The following PCDHA2 variants were observed in gnomAD, a reference collection of about 807,000 sequenced individuals.
The protein encoded by PCDHA2 is protocadherin alpha-2.
In PCDHA2, 58 loss-of-function variants were observed where a neutral mutation model predicts 66.0. That is an observed-to-expected ratio of 0.88 (90% CI 0.71 to 1.09). The LOEUF (loss-of-function observed/expected upper bound fraction) is 1.09, where lower values mean the gene tolerates loss of function less well. Among genes scored for constraint, PCDHA2 ranks in the 50% least tolerant of loss-of-function variants. PCDHA2 has a pLI of 0.00. For missense variants in PCDHA2, 1,267 were observed against 1,242.3 expected, an observed-to-expected ratio of 1.02 and a Z score of -0.30; for synonymous variants, 634 against 554.0, an observed-to-expected ratio of 1.14 and a Z score of -2.03.
Position 140,822,323 on chromosome 5 carries a change from C to T in PCDHA2, c.2388+24971C>T, listed in dbSNP as rs2150115506. On this transcript the variant is annotated intron_variant, in intron 1 of 3. Transcript: ENST00000526136. ...GAATATTTTGACTTAGATGTTAAAACAAATGAAGAAGAAACGAACTTTTTA... is the reference window on the plus strand; with the variant it reads ...GAATATTTTGACTTAGATGTTAAAATAAATGAAGAAGAAACGAACTTTTTA... 2.5e-6 allele frequency: 4 copies of T among 1,613,964 alleles called. No individual in the cohort carries two copies. The African/African-American group carries it at 5.3e-5, about 22-fold the overall frequency.
intron 1 of PCDHA2, chr5:140,841,063 TAAAG>T (rs1776998418): frequency 2.2e-6 from 1 of 461,482 alleles, no homozygotes; most frequent in South Asian, 3.9e-5. Context: ...TAAATTATGA[TAAAG>T]AAATAGAAAG....
At chr5:140,827,951 A>T (rs1222083879) in intron 1 of PCDHA2, 6 of 1,273,218 alleles carry the variant, frequency 4.7e-6, no homozygotes, top group Middle Eastern at 4.5e-4. Flanking sequence ...CAACATTCAA[A>T]TTTCTTCTAT....
At chr5:140,800,264 C>T (rs1385506685) in intron 1 of PCDHA2, among the ~76,000 whole-genome samples, 6 of 151,988 alleles carry the variant, frequency 3.9e-5, no homozygotes, top group Admixed American at 2.0e-4. Flanking sequence ...AAACAAATTT[C>T]CTGTTTGAAT....
intron 1 of PCDHA2, chr5:140,966,674 G>A: frequency 7.7e-7 from 1 of 1,295,168 alleles, no homozygotes; most frequent in Non-Finnish European, 1.0e-6. Flanking sequence ...GGCGCAGGGT[G>A]GCACGAGCGG....
In PCDHA2 at chr5:140,857,169, C is replaced by T. The variant is rs199584063; in HGVS notation, c.2388+59817C>T. On this transcript the variant is annotated intron_variant, in intron 1 of 3. Coordinates refer to ENST00000526136, the MANE Select transcript of PCDHA2 (RefSeq NM_018905.3). ...ACCGTCATTGCCCTAATCAGCGTTTCTGACCATGATTCAGGAGCCAACGGA... is the reference window on the plus strand; with the variant it reads ...ACCGTCATTGCCCTAATCAGCGTTTTTGACCATGATTCAGGAGCCAACGGA... 2.2e-5 allele frequency: 35 copies of T among 1,598,474 alleles called. 1 individual carries two copies. The East Asian group carries it at 7.4e-4, about 34-fold the overall frequency.
chr5:140,901,546 T>C (rs2068734079), intron 1 of PCDHA2, among the ~76,000 whole-genome samples: 1 of 152,212 alleles, frequency 6.6e-6, no homozygotes, highest in Non-Finnish European at 1.5e-5. Flanking sequence ...TCTATTCTGT[T>C]CCATTCATCT....
intron 1 of PCDHA2, chr5:140,969,117 A>C (rs1554231477): frequency 6.2e-7 from 1 of 1,614,178 alleles, no homozygotes; most frequent in Admixed American, 1.7e-5. Flanking sequence ...GTTCGAGGGA[A>C]TGGCTCCCTC....
chr5:140,850,962 G>A lies in PCDHA2; in HGVS notation c.2388+53610G>A, dbSNP rs2150504046. On this transcript the variant is annotated intron_variant, in intron 1 of 3. Coordinates refer to ENST00000526136, the MANE Select transcript of PCDHA2 (RefSeq NM_018905.3). Reference sequence around the variant, plus strand: ...AAGATATTATCGATTACTCCCAGGGGCCGTTCAAATAGTTTTATTCATTTT... The same window carrying A: ...AAGATATTATCGATTACTCCCAGGGACCGTTCAAATAGTTTTATTCATTTT... 3.4e-6 allele frequency: 5 copies of A among 1,475,076 alleles called. No homozygotes were observed. In the African/African-American group the frequency reaches 7.1e-5, roughly 21 times the overall value. The allele number at this position is 1,475,076 out of a possible 1,614,324, so 91.4% of individuals were successfully genotyped here. A position where few individuals can be genotyped will look rare whatever the true frequency, so the allele number is the denominator to read the frequency against.
At chr5:141,000,547 A>T (rs2097946124) in intron 3 of PCDHA2, among the ~76,000 whole-genome samples, 1 of 147,246 alleles carries the variant, frequency 6.8e-6, no homozygotes, top group Non-Finnish European at 1.5e-5. Context: ...CATGCCTCAA[A>T]CTCCCGAGTA....
rs185233104 is a variant in PCDHA2, at chr5:140,979,751, C to T, written c.2447+744C>T. 6.6e-5 allele frequency among the ~76,000 whole-genome samples: 10 copies of T among 152,136 alleles called. No individual in the cohort carries two copies. The South Asian group carries it at 1.2e-3, about 19-fold the overall frequency. On this transcript the variant is annotated intron_variant, in intron 2 of 3. Coordinates refer to ENST00000526136, the MANE Select transcript of PCDHA2 (RefSeq NM_018905.3). ...GGCCAAATAAAAGATTCATTATTTG[C>T]GAATGTCTTTGGAAACCAAATGGGA...
At chr5:140,963,952 G>T (rs1466185819) in intron 1 of PCDHA2, among the ~76,000 whole-genome samples, 1 of 152,176 alleles carries the variant, frequency 6.6e-6, no homozygotes, top group Non-Finnish European at 1.5e-5. Context: ...TTAGTCACTG[G>T]CAGGAGTGTG....
At chr5:140,935,760 T>C (rs1320272382) in intron 1 of PCDHA2, among the ~76,000 whole-genome samples, 1 of 152,152 alleles carries the variant, frequency 6.6e-6, no homozygotes, top group Non-Finnish European at 1.5e-5. Flanking sequence ...TACACATTCT[T>C]CCCCACTTTG....
At chr5:140,970,960 G>T (rs3776114) in intron 1 of PCDHA2, among the ~76,000 whole-genome samples, 54,597 of 152,034 alleles carry the variant, frequency 0.36, 10,036 homozygotes, top group Admixed American at 0.46. Context: ...ATGGGAGGCA[G>T]ATTGTAGATT....
chr5:140,795,836 C>T lies in PCDHA2; in HGVS notation c.872C>T (p.Thr291Ile), dbSNP rs1762001014. The T allele has an allele frequency of 1.2e-6, 2 of 1,613,770 alleles. No individual in the cohort carries two copies. Among genetic ancestry groups the T allele is most frequent in the Non-Finnish European group, 8.5e-7 (1 of 1,179,982 alleles). Residue 291 changes from threonine to isoleucine, a missense_variant, in exon 1 of 4, where the codon ACT (threonine) becomes ATT (isoleucine). Thr to Ile is a moderately conservative substitution (Grantham distance 89, BLOSUM62 -1). Transcript: ENST00000526136. The part of the protein sequence containing the change: ...LGSDVSSTIQ[T>I]KFTIDPISGE... ...AGTGATGTGTCCTCCACTATACAGA[C>T]TAAGTTTACCATAGATCCCATCTCA...
intron 1 of PCDHA2, chr5:140,823,323 G>A: frequency 1.9e-6 from 3 of 1,612,186 alleles, no homozygotes; most frequent in Non-Finnish European, 8.5e-7. Context: ...GCGGCAAGGT[G>A]TACGCGCTGC....
Position 140,931,736 on chromosome 5 carries a change from G to T in PCDHA2, c.2389-47213G>T, listed in dbSNP as rs550065133. On this transcript the variant is annotated intron_variant, in intron 1 of 3. Transcript: ENST00000526136. ...TAACTTCTATAAATATGGGGTATTT[G>T]TAATTCACAAAGGCATTTGTTATTT... is the stretch of plus-strand genomic sequence containing the variant. Among the ~76,000 whole-genome samples, 307 of 152,008 alleles carry T rather than the reference G, an allele frequency of 2.0e-3. 3 individuals carry two copies. The highest frequency in any genetic ancestry group is 7.2e-3 in the African/African-American group (300 of 41,524).
chr5:140,883,616 G>T (rs781929949), intron 1 of PCDHA2: 69 of 1,613,896 alleles, frequency 4.3e-5, no homozygotes, highest in Non-Finnish European at 5.7e-5. Flanking sequence ...CGACGTGAAC[G>T]ACAACGCGCC....
At chr5:140,851,846 T>C in intron 1 of PCDHA2, 1 of 970,670 alleles carries the variant, frequency 1.0e-6, no homozygotes, top group Non-Finnish European at 1.2e-6. Context: ...TATCTTTTTC[T>C]CCTCTCAGCT....
intron 2 of PCDHA2, 83 bp from the exon 3 acceptor site, chr5:140,982,392 T>C: frequency 6.3e-7 from 1 of 1,598,158 alleles, no homozygotes. Context: ...GGCTTCATAG[T>C]TGTAAGCAAT....
Sources: gnomAD v4.1 joint callset for allele counts (sites outside exome capture counted in the v4.1 genomes callset) on GRCh38, gnomAD v4.1.1 for gene constraint, MANE v1.5 for transcripts, NCBI Gene and HGNC (gene_info 2026-07-23, HGNC 2026-07-21) for gene names.